Variants in PRKCSH observed in about 807,000 individuals in gnomAD.
The protein encoded by PRKCSH is glucosidase 2 subunit beta.
A neutral mutation model predicts 79.7 loss-of-function variants in PRKCSH; 42 were observed. The observed-to-expected ratio is 0.53, with a 90% CI of 0.41 to 0.68. PRKCSH has a LOEUF of 0.68. PRKCSH is among the 30% of genes least tolerant of loss of function. The probability of loss-of-function intolerance (pLI) is 0.00; values close to 1 mark genes in which losing one functional copy is unlikely to be tolerated. For missense variants in PRKCSH, 686 were observed against 709.0 expected (o/e 0.97, Z 0.37); for synonymous variants, 325 against 288.2 (o/e 1.13, Z -1.29).
chr19:11,443,686 G>A (rs1318867920), intron 7 of PRKCSH, among the ~76,000 whole-genome samples: 1 of 152,036 alleles, frequency 6.6e-6, no homozygotes, highest in East Asian at 1.9e-4. Flanking sequence ...CTCCAGCCTG[G>A]GTGACAAAGC....
chr19:11,439,846 C>A (rs1162716484), intron 5 of PRKCSH, among the ~76,000 whole-genome samples: 1 of 151,452 alleles, frequency 6.6e-6, no homozygotes, highest in African/African-American at 2.4e-5. Flanking sequence ...GTCTCGAACT[C>A]CTGACCTCAT....
Position 11,447,286 on chromosome 19 carries a change from C to G in PRKCSH, c.849+126C>G. 3.7e-6 allele frequency: 5 copies of G among 1,345,312 alleles called. No individual in the cohort carries two copies. The highest frequency in any genetic ancestry group is 5.2e-6 in the Non-Finnish European group (5 of 964,186). 83.3% of individuals were successfully genotyped at this position (1,345,312 alleles called of 1,614,324 possible). On this transcript the variant is annotated intron_variant, in intron 10 of 17. Coordinates refer to ENST00000677123, the MANE Select transcript of PRKCSH (RefSeq NM_001289104.2). The surrounding 1 kb of genome is among the most constrained non-coding windows in gnomAD (Gnocchi z 5.6). Reference sequence around the variant, plus strand: ...GCCAGCTGGGTGGCCCCAGCACCCCCCACCGAGACCCCCCGACCCCAGCTG... The same window carrying G: ...GCCAGCTGGGTGGCCCCAGCACCCCGCACCGAGACCCCCCGACCCCAGCTG...
At chr19:11,441,199 A>G in intron 5 of PRKCSH, 41 bp from the exon 6 acceptor site, 1 of 1,596,088 alleles carries the variant, frequency 6.3e-7, no homozygotes, top group Non-Finnish European at 8.6e-7. Flanking sequence ...GGTGGATCCT[A>G]AGTGCCCCAC....
At position 11,448,818 on chromosome 19, in the gene PRKCSH, C is replaced by A; in HGVS notation, c.1287-96C>A. 6.7e-7 allele frequency: 1 copy of A among 1,487,966 alleles called. No homozygotes were observed. The highest frequency in any genetic ancestry group is 1.1e-5 in the South Asian group (1 of 88,524). The allele number at this position is 1,487,966 out of a possible 1,614,324, so 92.2% of individuals were successfully genotyped here. A position where few individuals can be genotyped will look rare whatever the true frequency, so the allele number is the denominator to read the frequency against. Reference sequence around the variant, plus strand: ...GGTTGGTCATTGGAGTTGGAGGTACCCTGTGTGTGGGGACTGGAGGAGGCG... The same window carrying A: ...GGTTGGTCATTGGAGTTGGAGGTACACTGTGTGTGGGGACTGGAGGAGGCG... On this transcript the variant is annotated intron_variant, in intron 14 of 17. Transcript: ENST00000677123. This position sits in a 1 kb window ranked among gnomAD's most constrained non-coding sequence, Gnocchi z 4.4.
intron 7 of PRKCSH, among the ~76,000 whole-genome samples, chr19:11,443,380 A>T (rs1337904996): frequency 6.6e-6 from 1 of 151,924 alleles, no homozygotes; most frequent in Non-Finnish European, 1.5e-5. Flanking sequence ...ACCCATCTCT[A>T]CTAAAAATAC....
intron 2 of PRKCSH, 80 bp downstream of exon 2, chr19:11,436,276 C>G: frequency 2.5e-6 from 4 of 1,588,756 alleles, no homozygotes; most frequent in Non-Finnish European, 3.5e-6. Flanking sequence ...GCATTTACAG[C>G]CTTTTGACTC....
chr19:11,438,208 T>C, intron 5 of PRKCSH, 84 bp downstream of exon 5: 2 of 1,433,242 alleles, frequency 1.4e-6, no homozygotes, highest in East Asian at 2.3e-5. Flanking sequence ...CACTCTCTCT[T>C]CTGCTTTTCT....
rs1256876761 is a variant in PRKCSH, at chr19:11,441,225, G to A, written c.351-15G>A. The stretch of plus-strand genomic sequence containing the variant: ...AGTGCCCCACTGGTGGTGCCTGTGT[G>A]TCTCCGCACCGCAGAGAGAAGGGCC... On this transcript the variant is annotated splice_polypyrimidine_tract_variant and intron_variant, in intron 5 of 17. Transcript: ENST00000677123. 1 of 1,608,894 alleles carries A rather than the reference G, an allele frequency of 6.2e-7. No homozygotes were observed. The highest frequency in any genetic ancestry group is 1.3e-5 in the African/African-American group (1 of 74,824).
chr19:11,442,187 G>C lies in PRKCSH; in HGVS notation c.469-199G>C, dbSNP rs367892123. ...AATCAGGCAGGGGCCTGATTACCTG[G>C]GCCCTTGCGGGCTACATTGAGGCGT... On this transcript the variant is annotated intron_variant, in intron 6 of 17. Coordinates refer to ENST00000677123, the MANE Select transcript of PRKCSH (RefSeq NM_001289104.2). Among the ~76,000 whole-genome samples the C allele has an allele frequency of 1.1e-4, 17 of 152,344 alleles. No homozygotes were observed. The South Asian group carries it at 2.7e-3, about 24-fold the overall frequency.
rs1278575696 is a variant in PRKCSH, at chr19:11,449,325, C to T, written c.1521C>T (p.Cys507=). The T allele has an allele frequency of 5.0e-6, 8 of 1,613,586 alleles. No homozygotes were observed. The highest frequency in any genetic ancestry group is 1.7e-5 in the Admixed American group (1 of 60,018). Residue 507 remains cysteine (C), a synonymous_variant, in exon 17 of 18, where the codon TGC becomes TGT. Coordinates refer to ENST00000677123, the MANE Select transcript of PRKCSH (RefSeq NM_001289104.2). This position sits in a 1 kb window ranked among gnomAD's most constrained non-coding sequence, Gnocchi z 6.4. The part of the protein sequence containing the change: ...MVTSTTEPSR[C]EYLMELMTPA... ...CCAGCACCACAGAGCCCAGTCGCTG[C>T]GAGTACCTCATGGAGCTGATGACGC...
chr19:11,443,906 G>C (rs1247820239), intron 7 of PRKCSH, among the ~76,000 whole-genome samples: 1 of 152,046 alleles, frequency 6.6e-6, no homozygotes, highest in Non-Finnish European at 1.5e-5. Flanking sequence ...TTCCTGAGTA[G>C]CTGGGATTAC....
intron 3 of PRKCSH, among the ~76,000 whole-genome samples, chr19:11,437,417 T>A (rs1205559819): frequency 6.6e-6 from 1 of 151,090 alleles, no homozygotes; most frequent in Non-Finnish European, 1.5e-5. Context: ...AGTGGCATGA[T>A]CTTGGCTCAC....
At position 11,450,746 on chromosome 19, in the gene PRKCSH, T is replaced by C. The variant is rs1443957146; in HGVS notation, c.*117T>C. The C allele has an allele frequency of 2.0e-5, 3 of 152,336 alleles. No homozygotes were observed. Among genetic ancestry groups the C allele is most frequent in the Non-Finnish European group, 4.4e-5 (3 of 68,130 alleles). The allele number at this position is 152,336 out of a possible 1,614,324, so 9.4% of individuals were successfully genotyped here. A position where few individuals can be genotyped will look rare whatever the true frequency, so the allele number is the denominator to read the frequency against. On this transcript the variant is annotated 3_prime_UTR_variant, in exon 18 of 18. Coordinates refer to ENST00000677123, the MANE Select transcript of PRKCSH (RefSeq NM_001289104.2). ...CCCTCCTCTGTGGCGGCAGGACCTT[T>C]GTGGGGCTTCGTGCCCTGCTCTGGG...
In PRKCSH at chr19:11,438,041, G is replaced by C. The variant is rs755085491; in HGVS notation, c.293-26G>C. ...GGAGGGAGGAGGCACTGCCAGGTCT[G>C]ATCTTGGCTTCTGCCTCTGCCACAG... On this transcript the variant is annotated intron_variant, in intron 4 of 17. Coordinates refer to ENST00000677123, the MANE Select transcript of PRKCSH (RefSeq NM_001289104.2). 96 of 1,614,122 alleles carry C rather than the reference G, an allele frequency of 5.9e-5. No individual in the cohort carries two copies. In the South Asian group the frequency reaches 7.0e-4, roughly 12 times the overall value.
At chr19:11,445,171 C>T (rs1970236318) in intron 7 of PRKCSH, among the ~76,000 whole-genome samples, 2 of 152,312 alleles carry the variant, frequency 1.3e-5, no homozygotes, top group Middle Eastern at 3.4e-3. Context: ...TTGTCCCGGT[C>T]TCCCCCAACA....
At chr19:11,450,501 G>A (rs1287018643) in intron 17 of PRKCSH, 145 bp from the exon 18 acceptor site, 2 of 151,678 alleles carry the variant, frequency 1.3e-5, no homozygotes, top group Admixed American at 1.3e-4. Context: ...AATAATAAGA[G>A]AAAATAGACA....
intron 7 of PRKCSH, 38 bp downstream of exon 7, chr19:11,442,553 G>T: frequency 6.2e-7 from 1 of 1,602,902 alleles, no homozygotes; most frequent in Non-Finnish European, 8.5e-7. Flanking sequence ...CTTCAGTCCT[G>T]GGTGGGAGCA....
intron 7 of PRKCSH, among the ~76,000 whole-genome samples, chr19:11,443,860 C>G (rs905074245): frequency 7.9e-5 from 12 of 152,126 alleles, no homozygotes; most frequent in African/African-American, 2.7e-4. Context: ...ACTGCAACCT[C>G]TACCTCCTGG....
Position 11,448,160 on chromosome 19 carries a change from C to T in PRKCSH, c.1127-62C>T, listed in dbSNP as rs1050722990. On this transcript the variant is annotated intron_variant, in intron 12 of 17. Coordinates refer to ENST00000677123, the MANE Select transcript of PRKCSH (RefSeq NM_001289104.2). This position sits in a 1 kb window ranked among gnomAD's most constrained non-coding sequence, Gnocchi z 4.4. ...GGAGCACACAGCCACATCCATGGAA[C>T]CCCGTTCCCCATCCTCCTGGATGGG... 1 of 1,495,978 alleles carries T rather than the reference C, an allele frequency of 6.7e-7. No homozygotes were observed. The highest frequency in any genetic ancestry group is 9.1e-7 in the Non-Finnish European group (1 of 1,097,068). The allele number at this position is 1,495,978 out of a possible 1,614,324, so 92.7% of individuals were successfully genotyped here.
Sources: allele counts gnomAD v4.1 joint callset (sites outside exome capture counted in the v4.1 genomes callset), GRCh38; gene constraint gnomAD v4.1.1; non-coding constraint Gnocchi (gnomAD v3.1); transcripts MANE v1.5; gene names NCBI Gene and HGNC (gene_info 2026-07-23, HGNC 2026-07-21).